NCALD: variants seen among roughly 807,000 people sequenced by gnomAD.
NCALD encodes neurocalcin delta, also known as neurocalcin-delta.
NCALD carries 10 observed loss-of-function variants against 18.6 expected under a neutral mutation model. That is an observed-to-expected ratio of 0.54 (90% CI 0.33 to 0.91). The LOEUF is 0.91. Ranked by LOEUF, NCALD falls within the 40% of genes least tolerant of loss-of-function variation. The probability of loss-of-function intolerance (pLI) is 0.03; values close to 1 mark genes in which losing one functional copy is unlikely to be tolerated. For synonymous variants in NCALD, 88 were observed against 87.4 expected, an observed-to-expected ratio of 1.01 and a Z score of -0.04; for missense variants, 184 against 247.6, an observed-to-expected ratio of 0.74 and a Z score of 1.72.
At chr8:102,098,151 G>A (rs1186905203) in intron 1 of NCALD, among the ~76,000 whole-genome samples, 4 of 152,194 alleles carry the variant, frequency 2.6e-5, no homozygotes, top group Non-Finnish European at 1.5e-5. Context: ...GAGTGAGAAA[G>A]AAGATTGGGA....
At chr8:101,872,256 T>A in intron 4 of NCALD, 1 of 1,411,502 alleles carries the variant, frequency 7.1e-7, no homozygotes, top group South Asian at 1.2e-5. Flanking sequence ...AATACTTCCC[T>A]GAAATCTCCA....
intron 4 of NCALD, among the ~76,000 whole-genome samples, chr8:101,840,828 G>A (rs1331341088): frequency 3.3e-5 from 5 of 152,030 alleles, no homozygotes; most frequent in Non-Finnish European, 7.4e-5. Context: ...ATTACTTATG[G>A]CAAAACATCA....
chr8:101,993,148 GA>G (rs79585820), intron 2 of NCALD, among the ~76,000 whole-genome samples: 1,456 of 135,922 alleles, frequency 0.011, 13 homozygotes, highest in African/African-American at 0.028. Context: ...CACTCTACAG[GA>G]AAAAAAAAAA....
At chr8:101,870,188 A>G (rs895221958) in intron 4 of NCALD, among the ~76,000 whole-genome samples, 1 of 152,230 alleles carries the variant, frequency 6.6e-6, no homozygotes, top group Non-Finnish European at 1.5e-5. Context: ...TCACATACTT[A>G]AAAATTTCCC....
chr8:101,769,889 T>C (rs1420293303), intron 1 of NCALD, among the ~76,000 whole-genome samples: 1 of 152,210 alleles, frequency 6.6e-6, no homozygotes, highest in Non-Finnish European at 1.5e-5. Flanking sequence ...CTCAGGACTC[T>C]GGATCAATGC....
chr8:101,953,367 G>C (rs1819504700), intron 2 of NCALD, among the ~76,000 whole-genome samples: 2 of 152,214 alleles, frequency 1.3e-5, no homozygotes, highest in African/African-American at 4.8e-5. Context: ...TCAGCTGATG[G>C]CTGTTAGGAC....
At chr8:101,879,628 C>T (rs1328885372) in intron 4 of NCALD, among the ~76,000 whole-genome samples, 3 of 152,306 alleles carry the variant, frequency 2.0e-5, no homozygotes, top group East Asian at 3.9e-4. Flanking sequence ...TTACCTGGCC[C>T]CACCCACATC....
At chr8:102,021,236 C>G (rs934380679) in intron 1 of NCALD, among the ~76,000 whole-genome samples, 1 of 152,144 alleles carries the variant, frequency 6.6e-6, no homozygotes, top group African/African-American at 2.4e-5. Context: ...ATTTATTGAG[C>G]AAAAGAATTA....
At chr8:101,941,889 A>G (rs1238509443) in intron 2 of NCALD, among the ~76,000 whole-genome samples, 1 of 152,152 alleles carries the variant, frequency 6.6e-6, no homozygotes, top group Non-Finnish European at 1.5e-5. Context: ...CATAAGGAAA[A>G]CCAAAACCAG....
chr8:101,759,048 C>T (rs989574006), intron 1 of NCALD, among the ~76,000 whole-genome samples: 1 of 152,188 alleles, frequency 6.6e-6, no homozygotes, highest in Non-Finnish European at 1.5e-5. Context: ...TTATAGGAAC[C>T]TGGCATTGTG....
rs1274274714 is a variant in NCALD, at chr8:102,106,988, C to A, written c.-210+17249G>T. Reference sequence around the variant, plus strand: ...CTGGAGGGTTTTGATTCTTCTACTGCTTTGTCCCCTTCTGTGAAAACCACA... The same window carrying A: ...CTGGAGGGTTTTGATTCTTCTACTGATTTGTCCCCTTCTGTGAAAACCACA... On this transcript the variant is annotated intron_variant, in intron 1 of 6. Transcript: ENST00000311028. 3.3e-5 allele frequency among the ~76,000 whole-genome samples: 5 copies of A among 151,890 alleles called. No homozygotes were observed. In the East Asian group the frequency reaches 9.7e-4, roughly 29 times the overall value.
intron 4 of NCALD, among the ~76,000 whole-genome samples, chr8:101,806,481 C>T (rs1224434607): frequency 5.3e-5 from 8 of 151,946 alleles, no homozygotes; most frequent in Non-Finnish European, 1.2e-4. Context: ...GACAATGCCT[C>T]ATCAAATAGA....
At chr8:101,961,753 A>G (rs1483828137) in intron 2 of NCALD, among the ~76,000 whole-genome samples, 1 of 151,972 alleles carries the variant, frequency 6.6e-6, no homozygotes, top group East Asian at 1.9e-4. Context: ...TTTTAATTCA[A>G]ATTTACAAAG....
At position 101,968,264 on chromosome 8, in the gene NCALD, A is replaced by G. The variant is rs532466376; in HGVS notation, c.-157+51973T>C. Among the ~76,000 whole-genome samples the G allele has an allele frequency of 6.6e-5, 10 of 152,324 alleles. 1 individual carries two copies. In the South Asian group the frequency reaches 2.1e-3, roughly 32 times the overall value. On this transcript the variant is annotated intron_variant, in intron 2 of 6. Coordinates refer to the NCALD transcript ENST00000311028. ...TTTTGCTCCAAGGTGAAGAAATCAC[A>G]AAAACTGGAAATAAATGGCCAACTT...
At chr8:101,728,478 A>G (rs1252020801) in intron 1 of NCALD, among the ~76,000 whole-genome samples, 1 of 152,260 alleles carries the variant, frequency 6.6e-6, no homozygotes, top group African/African-American at 2.4e-5. Flanking sequence ...CTTGGCTGCA[A>G]CAAGGAACCC....
chr8:101,932,250 A>G (rs1818604547), intron 2 of NCALD, among the ~76,000 whole-genome samples: 1 of 152,174 alleles, frequency 6.6e-6, no homozygotes, highest in Admixed American at 6.5e-5. Flanking sequence ...GCAGCAGAGG[A>G]GTAAAGCCCC....
intron 1 of NCALD, among the ~76,000 whole-genome samples, chr8:102,057,338 C>A (rs1464113248): frequency 6.6e-6 from 1 of 151,844 alleles, no homozygotes; most frequent in Non-Finnish European, 1.5e-5. Context: ...TCCTGTATCT[C>A]TTTCTTAATT....
At chr8:101,733,475 G>A (rs1816932908) in intron 1 of NCALD, among the ~76,000 whole-genome samples, 1 of 152,108 alleles carries the variant, frequency 6.6e-6, no homozygotes, top group African/African-American at 2.4e-5. Context: ...GGGCTGTTTT[G>A]GAGGACCAAG....
chr8:101,799,100 A>T (rs7828184), intron 4 of NCALD, among the ~76,000 whole-genome samples: 2,865 of 152,292 alleles, frequency 0.019, 73 homozygotes, highest in African/African-American at 0.063. Context: ...TCAAAACTCA[A>T]CAGTAAAACA....
Sources: gnomAD v4.1 joint callset for allele counts (sites outside exome capture counted in the v4.1 genomes callset) on GRCh38, gnomAD v4.1.1 for gene constraint, MANE v1.5 for transcripts, NCBI Gene and HGNC (gene_info 2026-07-23, HGNC 2026-07-21) for gene names.